Variants in CAPRIN2 observed in about 807,000 individuals in gnomAD.
CAPRIN2 encodes caprin-2.
Under a neutral mutation model 130.4 loss-of-function variants are expected in CAPRIN2, and 66 were observed. The ratio of observed to expected loss-of-function variants is 0.51; its 90% CI spans 0.42 to 0.62. The LOEUF is 0.62. Ranked by LOEUF, CAPRIN2 falls within the 20% of genes least tolerant of loss-of-function variation. The probability of loss-of-function intolerance (pLI) is 0.00; values close to 1 mark genes in which losing one functional copy is unlikely to be tolerated. For missense variants in CAPRIN2, 1,185 were observed against 1,246.6 expected (o/e 0.95, Z 0.74); for synonymous variants, 471 against 444.1 (o/e 1.06, Z -0.76).
At chr12:30,753,873 G>A (rs2075162597) in exon 1 of CAPRIN2, 21 of 1,058,530 alleles carry the variant, frequency 2.0e-5, no homozygotes, top group Non-Finnish European at 2.7e-5. Flanking sequence ...ACATAGGGAG[G>A]AAGAACTGCA....
At position 30,740,536 on chromosome 12, in the gene CAPRIN2, T is replaced by C. The variant is rs1040032063; in HGVS notation, c.570+484A>G. Among the ~76,000 whole-genome samples, 6 of 152,150 alleles carry C rather than the reference T, an allele frequency of 3.9e-5. No homozygotes were observed. In the East Asian group the frequency reaches 7.7e-4, roughly 20 times the overall value. ...CTGCCAACATAGAGAACCTAACAAG[T>C]AGTGAGGCCAGATTTAACTCTATTT... On this transcript the variant is annotated intron_variant, in intron 3 of 16. Coordinates refer to ENST00000298892, the Ensembl canonical transcript of CAPRIN2.
chr12:30,717,536 G>A (rs554192144), intron 12 of CAPRIN2, among the ~76,000 whole-genome samples: 143 of 151,822 alleles, frequency 9.4e-4, no homozygotes, highest in Admixed American at 2.9e-3. Context: ...TAATGCCACT[G>A]AATTGTATAC....
rs150951809 is a variant in CAPRIN2, at chr12:30,710,321, C to T, written c.2815G>A (p.Val939Ile). The change falls in exon 17 of 17, where the codon GTC becomes ATC. Residue 939 changes from valine (V) to isoleucine (I), a missense_variant. Around this residue, in one of 2 missense-constraint regions of CAPRIN2, gnomAD observed 1,104 missense variants for 1,104.3 expected, o/e 1.00. Coordinates refer to ENST00000298892, the Ensembl canonical transcript of CAPRIN2. This position sits in a 1 kb window ranked among gnomAD's most constrained non-coding sequence, Gnocchi z 4.8. The stretch of plus-strand genomic sequence containing the variant: ...CGCATCTGCTGAGGCAGAGGGTAGA[C>T]GTGTACTGGCAGTATGGTGGCTGCT... 135 of 1,614,022 alleles carry T rather than the reference C, an allele frequency of 8.4e-5. No homozygotes were observed. The highest frequency in any genetic ancestry group is 9.6e-5 in the Non-Finnish European group (113 of 1,180,040).
At position 30,717,595 on chromosome 12, in the gene CAPRIN2, T is replaced by TA. The variant is rs149419402; in HGVS notation, c.2149-920dup. Among the ~76,000 whole-genome samples, 419 of 146,960 alleles carry TA rather than the reference T, an allele frequency of 2.9e-3. 1 individual carries two copies. The highest frequency in any genetic ancestry group is 4.1e-3 in the South Asian group (19 of 4,622). On this transcript the variant is annotated intron_variant, in intron 12 of 16. Coordinates refer to ENST00000298892, the Ensembl canonical transcript of CAPRIN2. ...TTCTGTTACATACATTTTACCATAG[T>TA]AAAAAAAAAACAAAAAAACACTCCT... is the stretch of plus-strand genomic sequence containing the variant.
intron 13 of CAPRIN2, 83 bp from the exon 16 acceptor site, chr12:30,715,224 T>C (rs1285122020): frequency 4.7e-5 from 51 of 1,090,802 alleles, no homozygotes. Flanking sequence ...ATCAAAATCA[T>C]TAATACAATT....
exon 3 of CAPRIN2, chr12:30,741,027 C>A (rs750795608): frequency 2.5e-6 from 4 of 1,604,262 alleles, no homozygotes; most frequent in Non-Finnish European, 2.6e-6. Flanking sequence ...CACATCTAGG[C>A]TCAACCCAGA....
chr12:30,752,295 G>C (rs751308185), intron 1 of CAPRIN2, among the ~76,000 whole-genome samples: 1 of 152,042 alleles, frequency 6.6e-6, no homozygotes, highest in African/African-American at 2.4e-5. Flanking sequence ...TTTCCCAGAA[G>C]GTTGAAACAA....
chr12:30,721,402 G>A (rs112876849), intron 11 of CAPRIN2, among the ~76,000 whole-genome samples: 2,463 of 152,276 alleles, frequency 0.016, 56 homozygotes, highest in African/African-American at 0.057. Context: ...TAAAGAGGCA[G>A]GCTGAAATAT....
At chr12:30,721,557 A>T (rs1215286737) in intron 11 of CAPRIN2, among the ~76,000 whole-genome samples, 2 of 152,360 alleles carry the variant, frequency 1.3e-5, no homozygotes, top group South Asian at 4.1e-4. Context: ...CAGAAAATTA[A>T]AAGAGTGGCT....
intron 2 of CAPRIN2, among the ~76,000 whole-genome samples, chr12:30,742,685 CA>C (rs35509783): frequency 2.7e-3 from 380 of 142,232 alleles, no homozygotes; most frequent in African/African-American, 7.1e-3. Context: ...AACAGGGCAG[CA>C]AAAAAAAAAA....
intron 1 of CAPRIN2, 169 bp from the exon 3 acceptor site, chr12:30,751,302 A>T: frequency 1.7e-6 from 1 of 598,892 alleles, no homozygotes; most frequent in Admixed American, 2.8e-5. Flanking sequence ...AGTTCCAGTC[A>T]GGGGAGAAAA....
intron 15 of CAPRIN2, among the ~76,000 whole-genome samples, chr12:30,712,162 G>C (rs1591896367): frequency 6.6e-6 from 1 of 151,736 alleles, no homozygotes; most frequent in South Asian, 2.1e-4. Context: ...AATGTTCCAG[G>C]GGCAGTACTT....
intron 4 of CAPRIN2, among the ~76,000 whole-genome samples, chr12:30,734,361 C>T (rs546356916): frequency 8.3e-4 from 126 of 152,242 alleles, no homozygotes; most frequent in African/African-American, 3.0e-3. Context: ...AGCAAGAGCA[C>T]AGCATCTGTC....
intron 2 of CAPRIN2, among the ~76,000 whole-genome samples, chr12:30,747,371 T>C (rs1200304214): frequency 1.3e-5 from 2 of 152,150 alleles, no homozygotes; most frequent in Non-Finnish European, 2.9e-5. Context: ...ATTTTGACTT[T>C]CACGTCTTCT....
chr12:30,730,354 T>A, intron 6 of CAPRIN2, 72 bp from the exon 8 acceptor site: 1 of 1,033,410 alleles, frequency 9.7e-7, no homozygotes, highest in Non-Finnish European at 1.5e-6. Context: ...CAACTATAAT[T>A]CATTCTAGCA....
intron 8 of CAPRIN2, 23 bp downstream of exon 9, chr12:30,728,625 C>A: frequency 6.5e-7 from 1 of 1,548,510 alleles, no homozygotes; most frequent in Non-Finnish European, 8.7e-7. Context: ...CTTACAGAAG[C>A]AGAATGATAC....
chr12:30,745,140 C>A (rs552596323), intron 2 of CAPRIN2, among the ~76,000 whole-genome samples: 1 of 152,284 alleles, frequency 6.6e-6, no homozygotes, highest in Admixed American at 6.5e-5. Flanking sequence ...TTAAATGTAA[C>A]AAGGGATCAC....
intron 12 of CAPRIN2, among the ~76,000 whole-genome samples, chr12:30,717,677 T>C (rs951054705): frequency 1.3e-5 from 2 of 152,160 alleles, no homozygotes; most frequent in African/African-American, 2.4e-5. Context: ...CCTGCTATTA[T>C]GCTATCATAA....
At chr12:30,752,233 C>T (rs1247716046) in intron 1 of CAPRIN2, among the ~76,000 whole-genome samples, 2 of 152,026 alleles carry the variant, frequency 1.3e-5, no homozygotes, top group Non-Finnish European at 2.9e-5. Flanking sequence ...CACTATGGTA[C>T]TCTAAAAGCA....
Sources: gnomAD v4.1 joint callset for allele counts (sites outside exome capture counted in the v4.1 genomes callset) on GRCh38, gnomAD v4.1.1 for gene constraint, gnomAD v4.1.1 regional missense constraint, Gnocchi (gnomAD v3.1) non-coding constraint, MANE v1.5 for transcripts, NCBI Gene and HGNC (gene_info 2026-07-23, HGNC 2026-07-21) for gene names.